The following GABRB3 variants were observed in gnomAD, a reference collection of about 807,000 sequenced individuals.
GABRB3 encodes the protein gamma-aminobutyric acid receptor subunit beta-3.
GABRB3 carries 14 observed loss-of-function variants against 52.1 expected under a neutral mutation model. The ratio of observed to expected loss-of-function variants is 0.27; its 90% confidence interval spans 0.18 to 0.42. The LOEUF (loss-of-function observed/expected upper bound fraction) is 0.42, where lower values mean the gene tolerates loss of function less well. GABRB3 is among the 10% of genes least tolerant of loss of function. GABRB3 has a pLI of 1.00. For missense variants in GABRB3, 307 were observed against 609.1 expected, an observed-to-expected ratio of 0.50 and a Z score of 5.22; for synonymous variants, 260 against 232.3, an observed-to-expected ratio of 1.12 and a Z score of -1.08.
chr15:26,647,555 G>T (rs2140583195), intron 3 of GABRB3, among the ~76,000 whole-genome samples: 1 of 152,280 alleles, frequency 6.6e-6, no homozygotes, highest in South Asian at 2.1e-4. Context: ...CTGTAAATTT[G>T]CTTGTCATAG....
chr15:26,699,625 C>A (rs1466958814), intron 3 of GABRB3, among the ~76,000 whole-genome samples: 1 of 151,974 alleles, frequency 6.6e-6, no homozygotes, highest in African/African-American at 2.4e-5. Flanking sequence ...TAAGATTGAG[C>A]TTCTAGAAAT....
chr15:26,664,698 T>C (rs1395386843), intron 3 of GABRB3, among the ~76,000 whole-genome samples: 2 of 137,878 alleles, frequency 1.5e-5, no homozygotes, highest in South Asian at 2.3e-4. Flanking sequence ...TTCTTTTCTT[T>C]TCTTTGTTTT....
intron 3 of GABRB3, among the ~76,000 whole-genome samples, chr15:26,623,300 C>T (rs184313178): frequency 1.3e-5 from 2 of 152,274 alleles, no homozygotes; most frequent in Non-Finnish European, 2.9e-5. Context: ...ACTAGAATGC[C>T]ACCTTCGCAG....
intron 3 of GABRB3, among the ~76,000 whole-genome samples, chr15:26,675,916 C>T (rs1203508864): frequency 3.9e-5 from 6 of 152,140 alleles, no homozygotes; most frequent in African/African-American, 1.4e-4. Flanking sequence ...AGGGTTCTTG[C>T]TAAAAGTTTC....
At chr15:26,565,067 A>T (rs1046425932) in intron 7 of GABRB3, among the ~76,000 whole-genome samples, 1 of 152,192 alleles carries the variant, frequency 6.6e-6, no homozygotes, top group Non-Finnish European at 1.5e-5. Flanking sequence ...CTGTGCTGTG[A>T]GTCTTCTCCA....
chr15:26,605,494 A>C (rs1220817832), intron 4 of GABRB3, among the ~76,000 whole-genome samples: 3 of 152,222 alleles, frequency 2.0e-5, no homozygotes, highest in Non-Finnish European at 4.4e-5. Flanking sequence ...CACAACAGCC[A>C]AGATTTGGAG....
intron 4 of GABRB3, among the ~76,000 whole-genome samples, chr15:26,619,553 T>G (rs1285312185): frequency 2.7e-5 from 4 of 148,732 alleles, no homozygotes; most frequent in African/African-American, 4.9e-5. Flanking sequence ...AGCATTGGGA[T>G]ATATACCTAA....
At chr15:26,761,747 A>G (rs1351285479) in intron 3 of GABRB3, among the ~76,000 whole-genome samples, 1 of 152,102 alleles carries the variant, frequency 6.6e-6, no homozygotes, top group South Asian at 2.1e-4. Flanking sequence ...AGCTTCAGGG[A>G]GCCGTATTTT....
upstream of GABRB3, chr15:26,773,739 G>T (rs1891228604): frequency 1.3e-6 from 2 of 1,554,560 alleles, no homozygotes; most frequent in Admixed American, 1.9e-5. Flanking sequence ...CTGTTCCTCC[G>T]GCCTAACCTG....
At position 26,621,418 on chromosome 15, in the gene GABRB3, G is replaced by T. The variant is rs370237352; in HGVS notation, c.357C>A (p.Pro119=). Residue 119 remains proline, a synonymous_variant, in exon 4 of 9, where the codon CCC becomes CCA. Coordinates refer to ENST00000311550, the MANE Select transcript of GABRB3 (RefSeq NM_000814.6). The surrounding 1 kb of genome is among the most constrained non-coding windows in gnomAD (Gnocchi z 4.1). ...DNRVADQLWV[P]DTYFLNDKKS... ...TTTTGTCATTTAAGAAATATGTGTC[G>T]GGCACCCATAGCTGGTCAGCCACTC... 1 of 1,614,040 alleles carries T rather than the reference G, an allele frequency of 6.2e-7. No individual in the cohort carries two copies. Among genetic ancestry groups the T allele is most frequent in the Non-Finnish European group, 8.5e-7 (1 of 1,179,988 alleles).
chr15:26,649,616 A>G (rs1396331752), intron 3 of GABRB3, among the ~76,000 whole-genome samples: 1 of 150,296 alleles, frequency 6.7e-6, no homozygotes, highest in East Asian at 1.9e-4. Context: ...GGAGAAAGGA[A>G]AATGTGCTGA....
chr15:26,722,338 A>G (rs2071943520), intron 3 of GABRB3, among the ~76,000 whole-genome samples: 1 of 152,172 alleles, frequency 6.6e-6, no homozygotes, highest in African/African-American at 2.4e-5. Context: ...TTGCTTGTTT[A>G]TAAGAGAGAG....
intron 3 of GABRB3, among the ~76,000 whole-genome samples, chr15:26,665,891 T>C (rs1232364983): frequency 6.6e-6 from 1 of 152,198 alleles, no homozygotes; most frequent in African/African-American, 2.4e-5. Flanking sequence ...TTATAATGGA[T>C]GATAACAATA....
chr15:26,640,684 T>C (rs1893177918), intron 3 of GABRB3, among the ~76,000 whole-genome samples: 1 of 152,250 alleles, frequency 6.6e-6, no homozygotes, highest in Non-Finnish European at 1.5e-5. Context: ...AGACGATTTT[T>C]ACTGTGAGAA....
intron 3 of GABRB3, among the ~76,000 whole-genome samples, chr15:26,632,763 T>G (rs1245125726): frequency 1.3e-5 from 2 of 152,214 alleles, no homozygotes; most frequent in Non-Finnish European, 2.9e-5. Context: ...TATCTAATTA[T>G]TCTGAGCCTT....
In GABRB3 at chr15:26,773,027, C is replaced by A; in HGVS notation, c.-65G>T. On this transcript the variant is annotated 5_prime_UTR_variant, in exon 1 of 9. Transcript: ENST00000311550. ...CCGCCGTCGCGACCCGCAGCCGGGG[C>A]TGCTCCTGCTGCTGCCGCCGCCGCC... The A allele has an allele frequency of 1.9e-6, 2 of 1,073,792 alleles. No homozygotes were observed. The highest frequency in any genetic ancestry group is 2.2e-6 in the Non-Finnish European group (2 of 910,128). The allele number at this position is 1,073,792 out of a possible 1,614,324, so 66.5% of individuals were successfully genotyped here. A position where few individuals can be genotyped will look rare whatever the true frequency, so the allele number is the denominator to read the frequency against.
chr15:26,698,126 G>A (rs2140675677), intron 3 of GABRB3, among the ~76,000 whole-genome samples: 1 of 152,302 alleles, frequency 6.6e-6, no homozygotes, highest in Admixed American at 6.5e-5. Context: ...GAAGCTGCCA[G>A]GTTAGCCTCC....
chr15:26,632,050 C>T (rs941553482), intron 3 of GABRB3, among the ~76,000 whole-genome samples: 1 of 152,148 alleles, frequency 6.6e-6, no homozygotes, highest in Admixed American at 6.5e-5. Flanking sequence ...GCGAACGTGC[C>T]GAAGTCTCAA....
intron 3 of GABRB3, among the ~76,000 whole-genome samples, chr15:26,752,686 G>A (rs1021836039): frequency 5.3e-5 from 8 of 152,118 alleles, no homozygotes; most frequent in South Asian, 2.1e-4. Flanking sequence ...ATAATCAAGC[G>A]AATGAATATA....
Sources: gnomAD v4.1 joint callset for allele counts (sites outside exome capture counted in the v4.1 genomes callset) on GRCh38, gnomAD v4.1.1 for gene constraint, Gnocchi (gnomAD v3.1) non-coding constraint, MANE v1.5 for transcripts, NCBI Gene and HGNC (gene_info 2026-07-23, HGNC 2026-07-21) for gene names.